Variants in MOV10L1 observed in about 807,000 individuals in gnomAD.
MOV10L1 encodes RNA helicase Mov10l1.
Under a neutral mutation model 143.8 loss-of-function variants are expected in MOV10L1, and 110 were observed. That is an observed-to-expected ratio of 0.76 (90% CI 0.66 to 0.90). The LOEUF (loss-of-function observed/expected upper bound fraction) is 0.90. Among genes scored for constraint, MOV10L1 ranks in the 40% least tolerant of loss-of-function variants. MOV10L1 has a pLI of 0.00. For missense variants in MOV10L1, 1,406 were observed against 1,526.8 expected (o/e 0.92, Z 1.32); for synonymous variants, 593 against 581.1 (o/e 1.02, Z -0.29).
At chr22:50,143,006 T>C (rs2063034716) in intron 16 of MOV10L1, 37 bp from the exon 17 acceptor site, 1 of 1,601,990 alleles carries the variant, frequency 6.2e-7, no homozygotes, top group African/African-American at 1.3e-5. Flanking sequence ...TGAGAGCTGT[T>C]TGCATCTAAC....
chr22:50,111,531 T>G, intron 5 of MOV10L1, among the ~76,000 whole-genome samples: 1 of 127,430 alleles, frequency 7.8e-6, no homozygotes, highest in Non-Finnish European at 1.6e-5. Flanking sequence ...TGAGATGGAG[T>G]CTCGCTCCGT....
At chr22:50,108,369 G>A (rs750837093) in intron 4 of MOV10L1, 121 bp downstream of exon 4, 3 of 926,146 alleles carry the variant, frequency 3.2e-6, no homozygotes, top group Non-Finnish European at 3.5e-6. Context: ...GCTTTGTCAT[G>A]GCCAAAGAGG....
At position 50,117,315 on chromosome 22, in the gene MOV10L1, C is replaced by T. The variant is rs745511954; in HGVS notation, c.1418C>T (p.Ser473Phe). 12 of 1,613,944 alleles carry T rather than the reference C, an allele frequency of 7.4e-6. No individual in the cohort carries two copies. In the South Asian group the frequency reaches 1.3e-4, roughly 18 times the overall value. ...KKLKSSQALT[S>F]AKTTVVVTAQ... ...CTTAAAAGTTCACAAGCGTTAACAT[C>T]CGCAAAAACTACAGTTGTTGTGACC... The change falls in exon 9 of 27, where the codon TCC becomes TTC. Residue 473 changes from serine to phenylalanine, a missense_variant. By Grantham distance (155) the Ser-to-Phe change is radical (BLOSUM62 -2). Coordinates refer to ENST00000262794, the MANE Select transcript of MOV10L1 (RefSeq NM_018995.3).
rs1342649696 is a variant in MOV10L1 at position 50,152,258 on chromosome 22, A to G, written c.2893-787A>G. ...GTCTCCCCGAGGGACAGTCAGTGAC[A>G]GGAGGGCAGAGGGTGCAGCATTGCA... is the stretch of plus-strand genomic sequence containing the variant. On this transcript the variant is annotated intron_variant, in intron 21 of 26. Transcript: ENST00000262794. This position sits in a 1 kb window ranked among gnomAD's most constrained non-coding sequence, Gnocchi z 4.4. Among the ~76,000 whole-genome samples the G allele has an allele frequency of 7.9e-5, 12 of 152,244 alleles. No homozygotes were observed. Among genetic ancestry groups the G allele is most frequent in the Non-Finnish European group, 2.9e-5 (2 of 68,038 alleles).
At chr22:50,156,438 A>G (rs2063430682) in intron 22 of MOV10L1, among the ~76,000 whole-genome samples, 1 of 152,238 alleles carries the variant, frequency 6.6e-6, no homozygotes, top group Admixed American at 6.5e-5. Context: ...TGTAAAGTTT[A>G]ATAGTGTTAA....
intron 5 of MOV10L1, among the ~76,000 whole-genome samples, chr22:50,110,682 G>C (rs917584477): frequency 6.6e-6 from 1 of 152,142 alleles, no homozygotes; most frequent in Non-Finnish European, 1.5e-5. Context: ...TGTAATCCTA[G>C]GACTTTGGGA....
intron 5 of MOV10L1, among the ~76,000 whole-genome samples, chr22:50,110,547 G>T (rs1199936028): frequency 6.6e-6 from 1 of 151,892 alleles, no homozygotes; most frequent in Non-Finnish European, 1.5e-5. Context: ...ATCTTACATT[G>T]GTGATTGCTG....
chr22:50,124,587 C>G (rs554515872), intron 10 of MOV10L1, among the ~76,000 whole-genome samples: 172 of 152,340 alleles, frequency 1.1e-3, no homozygotes, highest in African/African-American at 4.0e-3. Flanking sequence ...TGCCCTCCCA[C>G]TTTCCAATTC....
intron 7 of MOV10L1, 43 bp downstream of exon 7, chr22:50,114,665 TG>T: frequency 6.2e-7 from 1 of 1,601,190 alleles, no homozygotes; most frequent in South Asian, 1.1e-5. Flanking sequence ...TCGGGTGGGC[TG>T]GGGGCCGTGG....
intron 13 of MOV10L1, among the ~76,000 whole-genome samples, chr22:50,128,892 C>G (rs2062592319): frequency 2.0e-5 from 3 of 151,536 alleles, no homozygotes. Flanking sequence ...GTCATAAACT[C>G]CTAGGCTCAA....
At chr22:50,097,262 G>A (rs920537649) in intron 2 of MOV10L1, among the ~76,000 whole-genome samples, 1 of 151,972 alleles carries the variant, frequency 6.6e-6, no homozygotes, top group African/African-American at 2.4e-5. Context: ...ACAGGTGTGT[G>A]CTGCCTCACC....
At chr22:50,149,057 G>A (rs796069984) in intron 19 of MOV10L1, among the ~76,000 whole-genome samples, 19 of 152,342 alleles carry the variant, frequency 1.2e-4, no homozygotes, top group African/African-American at 4.6e-4. Context: ...AGCTGAGAGT[G>A]GCTCACAAGG....
intron 21 of MOV10L1, among the ~76,000 whole-genome samples, chr22:50,151,592 G>A (rs892324462): frequency 6.6e-5 from 10 of 152,220 alleles, no homozygotes; most frequent in African/African-American, 2.4e-4. Context: ...GGCTGTGCCA[G>A]GAGGCCATGA....
At chr22:50,101,640 T>C (rs1415589778) in intron 3 of MOV10L1, among the ~76,000 whole-genome samples, 1 of 152,040 alleles carries the variant, frequency 6.6e-6, no homozygotes, top group Non-Finnish European at 1.5e-5. Flanking sequence ...GCTTCCTGAG[T>C]AGCTGGGACT....
At chr22:50,141,825 T>G (rs1485134285) in intron 15 of MOV10L1, among the ~76,000 whole-genome samples, 1 of 152,210 alleles carries the variant, frequency 6.6e-6, no homozygotes, top group African/African-American at 2.4e-5. Flanking sequence ...TTTAGTCCTG[T>G]GCTTTGGTTT....
intron 20 of MOV10L1, among the ~76,000 whole-genome samples, chr22:50,149,997 G>A (rs988981345): frequency 1.3e-5 from 2 of 152,206 alleles, no homozygotes; most frequent in South Asian, 2.1e-4. Context: ...TGGGTGAGCC[G>A]GCCGTTCAGT....
chr22:50,128,542 T>A, intron 13 of MOV10L1, 35 bp downstream of exon 13: 61 of 190,986 alleles, frequency 3.2e-4, no homozygotes, highest in Non-Finnish European at 4.8e-4. Context: ...TCAAATGTCT[T>A]TTTTTTTTTT....
chr22:50,143,991 T>C lies in MOV10L1; in HGVS notation c.2359-106T>C, dbSNP rs920120119. On this transcript the variant is annotated intron_variant, in intron 17 of 26. Transcript: ENST00000262794. The stretch of plus-strand genomic sequence containing the variant: ...TGTTGGGGGCTGGCATCTGAGCCCA[T>C]GCAGCTGAGTCCCTGCACCCGAATG... 5.9e-5 allele frequency: 84 copies of C among 1,430,052 alleles called. 1 individual carries two copies. In the South Asian group the frequency reaches 1.1e-3, roughly 18 times the overall value. The allele number at this position is 1,430,052 out of a possible 1,614,324, so 88.6% of individuals were successfully genotyped here.
chr22:50,126,615 C>T (rs941621603), intron 12 of MOV10L1, among the ~76,000 whole-genome samples: 3 of 152,126 alleles, frequency 2.0e-5, no homozygotes, highest in Non-Finnish European at 2.9e-5. Flanking sequence ...CTGATGTTTG[C>T]GTGAAGGTGG....
Sources: allele counts gnomAD v4.1 joint callset (sites outside exome capture counted in the v4.1 genomes callset), GRCh38; gene constraint gnomAD v4.1.1; non-coding constraint Gnocchi (gnomAD v3.1); transcripts MANE v1.5; gene names NCBI Gene and HGNC (gene_info 2026-07-23, HGNC 2026-07-21).